The following KDM4C variants were observed in gnomAD, a reference collection of about 807,000 sequenced individuals.
KDM4C encodes lysine-specific demethylase 4C.
In KDM4C, 81 loss-of-function variants were observed where a neutral mutation model predicts 129.3. That is an observed-to-expected ratio of 0.63 (90% CI 0.52 to 0.75). The LOEUF is 0.75. Among genes scored for constraint, KDM4C ranks in the 30% least tolerant of loss-of-function variants. The probability of loss-of-function intolerance (pLI) is 0.00; values close to 1 mark genes in which losing one functional copy is unlikely to be tolerated. For missense variants in KDM4C, 1,457 were observed against 1,304.0 expected (o/e 1.12, Z -1.81); for synonymous variants, 573 against 456.1 (o/e 1.26, Z -3.26).
intron 1 of KDM4C, among the ~76,000 whole-genome samples, chr9:6,792,520 C>T (rs952225934): frequency 6.6e-6 from 1 of 151,822 alleles, no homozygotes; most frequent in South Asian, 2.1e-4. Context: ...TCCTGAGTAA[C>T]TGGGATTACA....
At chr9:7,157,833 C>T (rs910556874) in intron 19 of KDM4C, among the ~76,000 whole-genome samples, 3 of 152,164 alleles carry the variant, frequency 2.0e-5, no homozygotes, top group South Asian at 4.1e-4. Flanking sequence ...TGTTGTGTCT[C>T]TGCCAGGCTT....
At chr9:7,086,502 G>A (rs62533900) in intron 17 of KDM4C, among the ~76,000 whole-genome samples, 33,111 of 152,056 alleles carry the variant, frequency 0.22, 4,068 homozygotes, top group South Asian at 0.49. Flanking sequence ...GAATAGGCTT[G>A]CTCTAAGAGA....
At chr9:6,760,034 A>G (rs913947842) in intron 1 of KDM4C, among the ~76,000 whole-genome samples, 6 of 152,086 alleles carry the variant, frequency 3.9e-5, no homozygotes, top group Non-Finnish European at 7.4e-5. Context: ...AACCATCACC[A>G]CAATGAATTT....
chr9:6,984,462 G>GT (rs1244883326), intron 10 of KDM4C, 58 bp downstream of exon 10: 1 of 1,094,936 alleles, frequency 9.1e-7, no homozygotes, highest in Non-Finnish European at 1.4e-6. Context: ...ATGATCAGAT[G>GT]TCTTAAATGG....
At chr9:7,145,257 T>C (rs1175050171) in intron 19 of KDM4C, among the ~76,000 whole-genome samples, 3 of 152,154 alleles carry the variant, frequency 2.0e-5, no homozygotes, top group Non-Finnish European at 2.9e-5. Flanking sequence ...CTTTTGCATA[T>C]TCTCTATGCT....
chr9:7,108,674 AG>A (rs1837977082), intron 18 of KDM4C, among the ~76,000 whole-genome samples: 1 of 152,206 alleles, frequency 6.6e-6, no homozygotes, highest in Non-Finnish European at 1.5e-5. Flanking sequence ...AAGGGCTCAA[AG>A]CAAGGGCTCT....
At chr9:7,087,627 A>T (rs894458602) in intron 17 of KDM4C, among the ~76,000 whole-genome samples, 1 of 152,224 alleles carries the variant, frequency 6.6e-6, no homozygotes, top group Non-Finnish European at 1.5e-5. Flanking sequence ...GCATAAAATT[A>T]TCTTACATTC....
intron 15 of KDM4C, among the ~76,000 whole-genome samples, chr9:7,040,120 A>G (rs1241740525): frequency 1.3e-5 from 2 of 152,084 alleles, no homozygotes; most frequent in Non-Finnish European, 2.9e-5. Context: ...TTCAAATAAT[A>G]TCCTACTTCA....
At chr9:7,098,841 A>G (rs1457544049) in intron 17 of KDM4C, among the ~76,000 whole-genome samples, 5 of 152,254 alleles carry the variant, frequency 3.3e-5, no homozygotes, top group African/African-American at 1.2e-4. Flanking sequence ...CAGTATTGAC[A>G]CATGAGTGAT....
At chr9:7,037,465 T>C (rs1827854027) in intron 15 of KDM4C, among the ~76,000 whole-genome samples, 2 of 152,174 alleles carry the variant, frequency 1.3e-5, no homozygotes, top group South Asian at 2.1e-4. Context: ...ACTGTCAATG[T>C]TGTGTCAGCA....
At chr9:6,851,109 G>C (rs111366003) in intron 5 of KDM4C, among the ~76,000 whole-genome samples, 8 of 152,170 alleles carry the variant, frequency 5.3e-5, no homozygotes, top group African/African-American at 1.9e-4. Context: ...AGTGACAAGA[G>C]AATGTGATCG....
intron 8 of KDM4C, among the ~76,000 whole-genome samples, chr9:6,955,714 T>A (rs990399518): frequency 2.0e-5 from 3 of 152,226 alleles, no homozygotes; most frequent in Admixed American, 1.3e-4. Flanking sequence ...CTTGCCACAT[T>A]TGCCTTATGA....
intron 8 of KDM4C, among the ~76,000 whole-genome samples, chr9:6,914,724 G>T (rs577807313): frequency 4.9e-4 from 74 of 152,120 alleles, no homozygotes; most frequent in Non-Finnish European, 8.5e-4. Flanking sequence ...CTAACAAAAG[G>T]GCTTGAGGAA....
At chr9:6,874,688 A>G (rs10975869) in intron 5 of KDM4C, among the ~76,000 whole-genome samples, 32,586 of 152,104 alleles carry the variant, frequency 0.21, 4,214 homozygotes, top group Middle Eastern at 0.38. Context: ...TCTTGAGCAC[A>G]TGTTGTCTGT....
intron 1 of KDM4C, among the ~76,000 whole-genome samples, chr9:6,762,366 C>T (rs1819731267): frequency 6.7e-6 from 1 of 150,268 alleles, no homozygotes; most frequent in African/African-American, 2.5e-5. Context: ...GAGATGGGGT[C>T]TCAGTGTGTT....
In KDM4C at chr9:6,946,788, G is replaced by C. The variant is rs139668683; in HGVS notation, c.922-34137G>C. 4.4e-3 allele frequency among the ~76,000 whole-genome samples: 675 copies of C among 152,020 alleles called. 5 individuals carry two copies. Among genetic ancestry groups the C allele is most frequent in the Non-Finnish European group, 8.0e-3 (543 of 67,918 alleles). ...AATGCCATTTTATGTTCAATCAGCAGAAAACTTGTCTTTTTCACTCTTTAA... is the reference window on the plus strand; with the variant it reads ...AATGCCATTTTATGTTCAATCAGCACAAAACTTGTCTTTTTCACTCTTTAA... On this transcript the variant is annotated intron_variant, in intron 8 of 21. Coordinates refer to ENST00000381309, the MANE Select transcript of KDM4C (RefSeq NM_015061.6).
intron 1 of KDM4C, among the ~76,000 whole-genome samples, chr9:6,760,618 T>C (rs1329968430): frequency 6.6e-6 from 1 of 151,988 alleles, no homozygotes; most frequent in Non-Finnish European, 1.5e-5. Flanking sequence ...TTGCCCAGGC[T>C]GGAGTGCAGT....
rs536754214 is a variant in KDM4C, at chr9:6,913,668, C to T, written c.921+20436C>T. 3.9e-5 allele frequency among the ~76,000 whole-genome samples: 6 copies of T among 152,304 alleles called. No individual in the cohort carries two copies. The South Asian group carries it at 6.2e-4, about 16-fold the overall frequency. On this transcript the variant is annotated intron_variant, in intron 8 of 21. Coordinates refer to ENST00000381309, the MANE Select transcript of KDM4C (RefSeq NM_015061.6). Reference sequence around the variant, plus strand: ...GTGACAGCCAACCTGGCTGCCTTTCCTTCCTTCTTATCAGGAAAGCTAGCA... The same window carrying T: ...GTGACAGCCAACCTGGCTGCCTTTCTTTCCTTCTTATCAGGAAAGCTAGCA...
intron 8 of KDM4C, among the ~76,000 whole-genome samples, chr9:6,952,351 C>T (rs1272250658): frequency 6.6e-6 from 1 of 151,016 alleles, no homozygotes; most frequent in Non-Finnish European, 1.5e-5. Flanking sequence ...TGAAACCATT[C>T]AGTAATGTTG....
Sources: allele counts gnomAD v4.1 joint callset (sites outside exome capture counted in the v4.1 genomes callset), GRCh38; gene constraint gnomAD v4.1.1; transcripts MANE v1.5; gene names NCBI Gene and HGNC (gene_info 2026-07-23, HGNC 2026-07-21).